Variants in THAP4 observed in about 807,000 individuals in gnomAD.
THAP4 encodes THAP domain containing 4.
Under a neutral mutation model 48.1 loss-of-function variants are expected in THAP4, and 18 were observed. That is an observed-to-expected ratio of 0.37 (90% CI 0.26 to 0.56). The LOEUF is 0.56. Ranked by LOEUF, THAP4 falls within the 20% of genes least tolerant of loss-of-function variation. THAP4 has a pLI of 0.78. For synonymous variants in THAP4, 345 were observed against 324.9 expected (o/e 1.06, Z -0.66); for missense variants, 656 against 774.9 (o/e 0.85, Z 1.82).
At chr2:241,635,801 G>C (rs1328523099) in intron 1 of THAP4, among the ~76,000 whole-genome samples, 1 of 152,076 alleles carries the variant, frequency 6.6e-6, no homozygotes, top group African/African-American at 2.4e-5. Context: ...AAAAAACCAG[G>C]CCCTAATGTG....
chr2:241,634,088 C>G lies in THAP4; in HGVS notation c.78-9G>C. 4 of 1,520,184 alleles carry G rather than the reference C, an allele frequency of 2.6e-6. No homozygotes were observed. Among genetic ancestry groups the G allele is most frequent in the Non-Finnish European group, 3.5e-6 (4 of 1,133,742 alleles). 94.2% of individuals were successfully genotyped at this position (1,520,184 alleles called of 1,614,324 possible). On this transcript the variant is annotated splice_polypyrimidine_tract_variant and intron_variant, in intron 1 of 5. Transcript: ENST00000407315. ...AGTCCTTTAGGGGGAACCTACAGGA[C>G]AAATGACAAAAAGTAATTAGAAATA...
intron 2 of THAP4, chr2:241,617,294 T>C: frequency 1.3e-6 from 1 of 764,600 alleles, no homozygotes; most frequent in Non-Finnish European, 2.2e-6. Flanking sequence ...GCATTTCTTT[T>C]CTGATTTCAT....
rs140944489 is a variant in THAP4 at position 241,593,163 on chromosome 2, T to C, written c.1615-8438A>G. Among the ~76,000 whole-genome samples the C allele has an allele frequency of 1.1e-3, 172 of 152,208 alleles. 1 individual carries two copies. The highest frequency in any genetic ancestry group is 3.7e-3 in the African/African-American group (155 of 41,536). ...GGGAGGAAGATGTGGGAGAATCGCT[T>C]GAGCCCACGAGGTGCAGGCTGCAGT... On this transcript the variant is annotated intron_variant, in intron 5 of 5. Transcript: ENST00000407315.
chr2:241,598,851 T>C (rs2067080383), intron 5 of THAP4, among the ~76,000 whole-genome samples: 1 of 151,926 alleles, frequency 6.6e-6, no homozygotes, highest in Non-Finnish European at 1.5e-5. Flanking sequence ...CTGAATACAA[T>C]TCTTGGCATA....
At chr2:241,617,764 A>C (rs35301488) in intron 2 of THAP4, among the ~76,000 whole-genome samples, 49,718 of 151,924 alleles carry the variant, frequency 0.33, 8,449 homozygotes, top group South Asian at 0.46. Flanking sequence ...CACCACAGAG[A>C]CAGGCACATC....
rs141410159 is a variant in THAP4 at position 241,619,863 on chromosome 2, G to A, written c.1240+13054C>T. Among the ~76,000 whole-genome samples the A allele has an allele frequency of 1.9e-3, 202 of 106,516 alleles. 7 individuals are homozygous for A. In the East Asian group the frequency reaches 0.038, roughly 20 times the overall value. 69.9% of individuals were successfully genotyped at this position (106,516 alleles called of 152,430 possible). A position where few individuals can be genotyped will look rare whatever the true frequency, so the allele number is the denominator to read the frequency against. On this transcript the variant is annotated intron_variant, in intron 2 of 5. Coordinates refer to ENST00000407315, the MANE Select transcript of THAP4 (RefSeq NM_015963.6). ...GAGGGGTGAGTGAGGGGTGAGTGAG[G>A]AGTCGGTGAGTGAGGGGTGAGTGAG... is the stretch of plus-strand genomic sequence containing the variant.
intron 3 of THAP4, among the ~76,000 whole-genome samples, chr2:241,603,547 G>A (rs1403333582): frequency 6.7e-6 from 1 of 149,586 alleles, no homozygotes; most frequent in African/African-American, 2.5e-5. Flanking sequence ...TGTCTGTCTT[G>A]CCTGCTGACC....
At chr2:241,595,322 A>C (rs1037248820) in intron 5 of THAP4, among the ~76,000 whole-genome samples, 1 of 152,218 alleles carries the variant, frequency 6.6e-6, no homozygotes, top group Non-Finnish European at 1.5e-5. Context: ...GCCCTGCATT[A>C]TATCTTTAAA....
chr2:241,592,567 G>C (rs4675798), intron 5 of THAP4, among the ~76,000 whole-genome samples: 3,463 of 152,172 alleles, frequency 0.023, 179 homozygotes, highest in East Asian at 0.17. Context: ...CTGCAGTCTG[G>C]GCCATGCCCA....
chr2:241,607,829 G>C (rs371111121), intron 2 of THAP4, among the ~76,000 whole-genome samples: 2 of 130,200 alleles, frequency 1.5e-5, no homozygotes, highest in Admixed American at 7.9e-5. Flanking sequence ...CGCGCAAGCA[G>C]AAGACGGACT....
chr2:241,585,993 C>T (rs998451347), intron 5 of THAP4, among the ~76,000 whole-genome samples: 4 of 149,984 alleles, frequency 2.7e-5, no homozygotes, highest in South Asian at 2.1e-4. Context: ...CGGTGGTTCA[C>T]GCCTGTAATC....
chr2:241,602,339 T>C (rs1231688933), intron 4 of THAP4, among the ~76,000 whole-genome samples: 2 of 149,464 alleles, frequency 1.3e-5, no homozygotes, highest in Admixed American at 1.3e-4. Context: ...GAAACACTGA[T>C]CTAGAGTCAC....
At chr2:241,600,580 G>A (rs1158151734) in intron 5 of THAP4, among the ~76,000 whole-genome samples, 1 of 151,494 alleles carries the variant, frequency 6.6e-6, no homozygotes, top group Admixed American at 6.6e-5. Context: ...ACAAAAAAAT[G>A]ATCTGGGTGT....
At chr2:241,599,651 TAC>T (rs1181811144) in intron 5 of THAP4, among the ~76,000 whole-genome samples, 4 of 152,154 alleles carry the variant, frequency 2.6e-5, no homozygotes, top group Admixed American at 6.5e-5. Context: ...GTCACCGTAA[TAC>T]ACTGTCACGC....
chr2:241,594,995 C>T (rs1351169815), intron 5 of THAP4, among the ~76,000 whole-genome samples: 1 of 152,118 alleles, frequency 6.6e-6, no homozygotes, highest in Non-Finnish European at 1.5e-5. Context: ...TGTGAGCGAT[C>T]TGAATAGTAT....
In THAP4 at chr2:241,606,450, C is replaced by T; in HGVS notation, c.1264G>A (p.Val422Met). Reference protein sequence around the residue: ...SREPPKMNPVVEPLSWMLGTW... With the variant: ...SREPPKMNPVMEPLSWMLGTW... Reference sequence around the variant, plus strand: ...CCCAGCATCCAGGACAGTGGCTCCACCACTGGGTTCATCTTGGGGGGCTCT... The same window carrying T: ...CCCAGCATCCAGGACAGTGGCTCCATCACTGGGTTCATCTTGGGGGGCTCT... Residue 422 changes from valine (V) to methionine (M), a missense_variant, in exon 3 of 6, where the codon GTG becomes ATG. Transcript: ENST00000407315. 1 of 1,607,330 alleles carries T rather than the reference C, an allele frequency of 6.2e-7. No individual in the cohort carries two copies. Among genetic ancestry groups the T allele is most frequent in the Non-Finnish European group, 8.5e-7 (1 of 1,176,886 alleles).
At position 241,610,307 on chromosome 2, in the gene THAP4, G is replaced by A. The variant is rs1014402011; in HGVS notation, c.1241-3834C>T. ...CCGGAAGCGCAGCCCCGCCTCAGGC[G>A]CCGCATCTCCGCCCTCTCTTGCGCC... On this transcript the variant is annotated intron_variant, in intron 2 of 5. Transcript: ENST00000407315. This position sits in a 1 kb window ranked among gnomAD's most constrained non-coding sequence, Gnocchi z 4.2. Among the ~76,000 whole-genome samples the A allele has an allele frequency of 2.6e-5, 4 of 152,094 alleles. No individual in the cohort carries two copies. Among genetic ancestry groups the A allele is most frequent in the Non-Finnish European group, 5.9e-5 (4 of 68,012 alleles).
intron 2 of THAP4, among the ~76,000 whole-genome samples, chr2:241,614,790 G>C (rs906804431): frequency 1.3e-4 from 20 of 152,190 alleles, no homozygotes; most frequent in Non-Finnish European, 2.8e-4. Flanking sequence ...TCGGGAGGCT[G>C]AGGCAGGAGA....
chr2:241,627,667 G>C (rs1049451466), intron 2 of THAP4, among the ~76,000 whole-genome samples: 2 of 152,182 alleles, frequency 1.3e-5, no homozygotes, highest in Non-Finnish European at 2.9e-5. Context: ...GACCCAAAGA[G>C]TCTGTCACTG....
Sources: allele counts gnomAD v4.1 joint callset (sites outside exome capture counted in the v4.1 genomes callset), GRCh38; gene constraint gnomAD v4.1.1; non-coding constraint Gnocchi (gnomAD v3.1); transcripts MANE v1.5; gene names NCBI Gene and HGNC (gene_info 2026-07-23, HGNC 2026-07-21).